The following PBRM1 variants were observed in gnomAD, a reference collection of about 807,000 sequenced individuals.
The protein encoded by PBRM1 is protein polybromo-1.
A neutral mutation model predicts 194.5 loss-of-function variants in PBRM1; 27 were observed. The observed-to-expected ratio is 0.14, with a 90% CI of 0.10 to 0.19. PBRM1 has a LOEUF of 0.19. PBRM1 is among the 10% of genes least tolerant of loss of function. PBRM1 has a pLI of 1.00. For synonymous variants in PBRM1, 655 were observed against 693.2 expected (o/e 0.94, Z 0.87); for missense variants, 1,466 against 2,077.2 (o/e 0.71, Z 5.72).
At chr3:52,667,746 C>CAAAAAAAAAAAAAAAAAAA (rs34993730) in intron 3 of PBRM1, among the ~76,000 whole-genome samples, 2 of 85,556 alleles carry the variant, frequency 2.3e-5, no homozygotes, top group Non-Finnish European at 2.4e-5. Flanking sequence ...GACTTTGCCT[C>CAAAAAAAAAAAAAAAAAAA]AAAAAAAAAA....
chr3:52,606,223 G>A (rs2094343718), intron 16 of PBRM1, among the ~76,000 whole-genome samples: 1 of 151,736 alleles, frequency 6.6e-6, no homozygotes, highest in African/African-American at 2.4e-5. Flanking sequence ...TGTCCAGACT[G>A]GTCTCAAGCT....
intron 3 of PBRM1, among the ~76,000 whole-genome samples, chr3:52,664,165 T>C (rs1315106858): frequency 6.6e-6 from 1 of 150,786 alleles, no homozygotes; most frequent in Non-Finnish European, 1.5e-5. Flanking sequence ...AAGGCTGCAG[T>C]GAGCTACAAC....
chr3:52,601,298 C>T (rs973183058), intron 17 of PBRM1, among the ~76,000 whole-genome samples: 2 of 152,246 alleles, frequency 1.3e-5, no homozygotes, highest in Admixed American at 6.5e-5. Flanking sequence ...GGACCAGTTT[C>T]GTGGAAGATA....
chr3:52,678,352 C>T, intron 2 of PBRM1, 148 bp downstream of exon 3: 2 of 565,672 alleles, frequency 3.5e-6, no homozygotes, highest in Non-Finnish European at 6.3e-6. Context: ...TTCACTACAG[C>T]TTGATTACTA....
chr3:52,567,622 A>T (rs2085714113), intron 22 of PBRM1, among the ~76,000 whole-genome samples: 1 of 151,138 alleles, frequency 6.6e-6, no homozygotes, highest in African/African-American at 2.4e-5. Flanking sequence ...AAAGAAGAAA[A>T]GCACCTGGGT....
At chr3:52,656,451 G>A (rs1173266516) in intron 5 of PBRM1, among the ~76,000 whole-genome samples, 1 of 151,992 alleles carries the variant, frequency 6.6e-6, no homozygotes, top group Non-Finnish European at 1.5e-5. Flanking sequence ...ATCACTTGAG[G>A]TCAGGAGTTT....
intron 10 of PBRM1, 82 bp downstream of exon 11, chr3:52,641,872 G>A: frequency 1.1e-6 from 1 of 873,736 alleles, no homozygotes; most frequent in Non-Finnish European, 2.0e-6. Context: ...GCAAACCCTA[G>A]GCCAGAAAAA....
intron 5 of PBRM1, among the ~76,000 whole-genome samples, chr3:52,654,391 A>T (rs918646266): frequency 7.2e-5 from 11 of 152,162 alleles, no homozygotes; most frequent in Non-Finnish European, 8.8e-5. Context: ...CAGAGGACAA[A>T]TTATGGCAAG....
chr3:52,677,305 G>A (rs1485109538), intron 2 of PBRM1, among the ~76,000 whole-genome samples: 2 of 151,978 alleles, frequency 1.3e-5, no homozygotes, highest in African/African-American at 4.8e-5. Context: ...ATACAGTGGC[G>A]GGATCTCAGC....
chr3:52,548,225 G>A (rs758916169), exon 30 of PBRM1: 13 of 1,569,664 alleles, frequency 8.3e-6, no homozygotes, highest in Non-Finnish European at 9.4e-6. Flanking sequence ...AATGGACGTC[G>A]CGTCTTCGAG....
chr3:52,548,091 C>T (rs371624499), exon 30 of PBRM1: 7 of 1,609,472 alleles, frequency 4.3e-6, no homozygotes, highest in Admixed American at 3.4e-5. Flanking sequence ...GTATGCTTGG[C>T]GAATGTTGAG....
intron 2 of PBRM1, among the ~76,000 whole-genome samples, chr3:52,674,667 C>T (rs186144945): frequency 0.034 from 4,657 of 136,044 alleles, 95 homozygotes; most frequent in Non-Finnish European, 0.051. Flanking sequence ...TATATATATA[C>T]ACACACACAC....
intron 22 of PBRM1, among the ~76,000 whole-genome samples, chr3:52,568,258 T>C (rs13063160): frequency 0.46 from 69,265 of 152,018 alleles, 16,115 homozygotes; most frequent in African/African-American, 0.52. Context: ...GCATTACAGG[T>C]GTGAGTCATC....
intron 17 of PBRM1, among the ~76,000 whole-genome samples, chr3:52,594,750 T>G (rs893615067): frequency 1.3e-5 from 2 of 152,250 alleles, no homozygotes; most frequent in African/African-American, 4.8e-5. Flanking sequence ...TGGGAGCTAC[T>G]GTAAGGCAGG....
At chr3:52,650,587 T>C (rs568912439) in intron 6 of PBRM1, among the ~76,000 whole-genome samples, 1 of 152,254 alleles carries the variant, frequency 6.6e-6, no homozygotes, top group South Asian at 2.1e-4. Context: ...GTTTTCCTTT[T>C]TGCCTTACCT....
chr3:52,611,068 C>CA (rs767237881), intron 15 of PBRM1, among the ~76,000 whole-genome samples: 1 of 151,996 alleles, frequency 6.6e-6, no homozygotes, highest in Non-Finnish European at 1.5e-5. Flanking sequence ...TACAAACAAA[C>CA]AACAAAATGG....
chr3:52,587,093 A>G (rs2092497360), intron 19 of PBRM1, among the ~76,000 whole-genome samples: 1 of 151,240 alleles, frequency 6.6e-6, no homozygotes, highest in South Asian at 2.1e-4. Flanking sequence ...TTAAAAAAAC[A>G]TCATACTTAA....
intron 21 of PBRM1, among the ~76,000 whole-genome samples, chr3:52,577,283 T>C (rs1175319618): frequency 4.0e-5 from 6 of 151,890 alleles, no homozygotes; most frequent in Non-Finnish European, 1.5e-5. Context: ...ATACAAAAAT[T>C]AGCCAGCCCT....
chr3:52,555,640 T>C (rs895240663), intron 26 of PBRM1, among the ~76,000 whole-genome samples: 1 of 152,190 alleles, frequency 6.6e-6, no homozygotes, highest in Non-Finnish European at 1.5e-5. Flanking sequence ...TCTGCTGATA[T>C]GAGAAAATGC....
Sources: gnomAD v4.1 joint callset for allele counts (sites outside exome capture counted in the v4.1 genomes callset) on GRCh38, gnomAD v4.1.1 for gene constraint, MANE v1.5 for transcripts, NCBI Gene and HGNC (gene_info 2026-07-23, HGNC 2026-07-21) for gene names.